SH3GL3: variants seen among roughly 807,000 people sequenced by gnomAD.
SH3GL3 encodes the protein SH3 domain containing GRB2 like 3, endophilin A3, also known as endophilin-A3.
SH3GL3 carries 33 observed loss-of-function variants against 47.7 expected under a neutral mutation model. The observed-to-expected ratio is 0.69, with a 90% confidence interval of 0.52 to 0.92. The LOEUF (loss-of-function observed/expected upper bound fraction) is 0.92, where lower values mean the gene tolerates loss of function less well. Ranked by LOEUF, SH3GL3 falls within the 40% of genes least tolerant of loss-of-function variation. The pLI is 0.00. For synonymous variants in SH3GL3, 155 were observed against 148.8 expected, an observed-to-expected ratio of 1.04 and a Z score of -0.30; for missense variants, 363 against 417.8, an observed-to-expected ratio of 0.87 and a Z score of 1.14.
chr15:83,536,828 A>G (rs17158876), intron 1 of SH3GL3, among the ~76,000 whole-genome samples: 4,762 of 152,074 alleles, frequency 0.031, 87 homozygotes, highest in Non-Finnish European at 0.044. Context: ...AAATTTTCCT[A>G]TTAGGTATTA....
intron 1 of SH3GL3, among the ~76,000 whole-genome samples, chr15:83,501,886 G>A (rs535197515): frequency 1.3e-5 from 2 of 151,636 alleles, no homozygotes; most frequent in East Asian, 1.9e-4. Flanking sequence ...GTGAGATTCC[G>A]TCTCAAAAAA....
At chr15:83,624,444 G>A in the SH3GL3 span, among the ~76,000 whole-genome samples, 8,086 of 152,242 alleles carry the variant, frequency 0.053, 708 homozygotes, top group African/African-American at 0.18. Flanking sequence ...AGGAAGCGGG[G>A]ATGAAAACCT....
chr15:83,478,219 C>T (rs533244389), intron 1 of SH3GL3, among the ~76,000 whole-genome samples: 1 of 152,096 alleles, frequency 6.6e-6, no homozygotes, highest in Non-Finnish European at 1.5e-5. Flanking sequence ...GTTAGATTTC[C>T]TCTGAGCAGG....
chr15:83,491,097 C>T (rs750429642), intron 1 of SH3GL3, among the ~76,000 whole-genome samples: 3 of 152,064 alleles, frequency 2.0e-5, no homozygotes, highest in South Asian at 2.1e-4. Flanking sequence ...GGGGAGAGTC[C>T]GAGAATCCTG....
intron 6 of SH3GL3, among the ~76,000 whole-genome samples, chr15:83,578,892 G>A (rs2059757492): frequency 6.6e-6 from 1 of 152,138 alleles, no homozygotes; most frequent in South Asian, 2.1e-4. Flanking sequence ...CTGGCTCCAG[G>A]CCCATTCATG....
intron 1 of SH3GL3, among the ~76,000 whole-genome samples, chr15:83,535,985 CT>C (rs1203875973): frequency 6.6e-6 from 1 of 152,168 alleles, no homozygotes; most frequent in Non-Finnish European, 1.5e-5. Context: ...ATGATGCAAA[CT>C]GTAGGAAGCC....
At chr15:83,543,748 G>T (rs1361479201) in intron 1 of SH3GL3, among the ~76,000 whole-genome samples, 1 of 151,952 alleles carries the variant, frequency 6.6e-6, no homozygotes, top group African/African-American at 2.4e-5. Flanking sequence ...ATATTGGTAG[G>T]TTGTACGTGT....
intron 5 of SH3GL3, among the ~76,000 whole-genome samples, chr15:83,574,146 T>C (rs1399769804): frequency 6.6e-6 from 1 of 150,788 alleles, no homozygotes; most frequent in Non-Finnish European, 1.5e-5. Context: ...TGTGTAGGGG[T>C]GGGGGTGCAA....
chr15:83,447,633 C>A lies in SH3GL3; in HGVS notation c.45+55C>A. ...AGGGGGACGCGGAGGCTGCGGCCCC[C>A]CGAGGCTCCCGGGCCTTTGGGACTC... On this transcript the variant is annotated intron_variant, in intron 1 of 8. Transcript: ENST00000427482. The surrounding 1 kb of genome is among the most constrained non-coding windows in gnomAD (Gnocchi z 5.1). 2 of 1,323,746 alleles carry A rather than the reference C, an allele frequency of 1.5e-6. No individual in the cohort carries two copies. The highest frequency in any genetic ancestry group is 2.0e-6 in the Non-Finnish European group (2 of 979,948). The allele number at this position is 1,323,746 out of a possible 1,614,324, so 82.0% of individuals were successfully genotyped here.
chr15:83,628,523 A>G, the SH3GL3 span, among the ~76,000 whole-genome samples: 16 of 152,158 alleles, frequency 1.1e-4, no homozygotes, highest in African/African-American at 3.9e-4. Context: ...TAGGTGGATC[A>G]CATGAGGTCA....
the SH3GL3 span, among the ~76,000 whole-genome samples, chr15:83,625,484 A>G: frequency 6.6e-6 from 1 of 152,224 alleles, no homozygotes; most frequent in East Asian, 1.9e-4. Context: ...TAATTGGACC[A>G]AGGACATGCA....
chr15:83,550,609 C>G (rs2044614451), intron 1 of SH3GL3, among the ~76,000 whole-genome samples: 1 of 152,102 alleles, frequency 6.6e-6, no homozygotes, highest in African/African-American at 2.4e-5. Flanking sequence ...AGGCTGGTCT[C>G]AAACTCCTGA....
chr15:83,590,383 C>T (rs1272020260), intron 8 of SH3GL3, among the ~76,000 whole-genome samples: 1 of 152,250 alleles, frequency 6.6e-6, no homozygotes, highest in East Asian at 1.9e-4. Context: ...GAAAAGTCTT[C>T]CTATCCCTGA....
the SH3GL3 span, among the ~76,000 whole-genome samples, chr15:83,624,474 AGAGAC>A: frequency 6.6e-6 from 1 of 152,248 alleles, no homozygotes; most frequent in African/African-American, 2.4e-5. Flanking sequence ...AGAAACAACA[AGAGAC>A]GAGCTAACGG....
At position 83,477,716 on chromosome 15, in the gene SH3GL3, T is replaced by G. The variant is rs1271656970; in HGVS notation, c.45+30138T>G. Among the ~76,000 whole-genome samples, 4 of 152,296 alleles carry G rather than the reference T, an allele frequency of 2.6e-5. No homozygotes were observed. In the East Asian group the frequency reaches 5.8e-4, roughly 22 times the overall value. On this transcript the variant is annotated intron_variant, in intron 1 of 8. Transcript: ENST00000427482. ...TGGTACCCTTTTGATTTGCCAGACA[T>G]GCATACTTAAAGAAATGTGGGGCAT...
intron 1 of SH3GL3, among the ~76,000 whole-genome samples, chr15:83,527,023 G>A (rs1403906203): frequency 1.3e-5 from 2 of 152,024 alleles, no homozygotes. Context: ...ATTTATTATA[G>A]GCGTAAAGAA....
At chr15:83,629,574 C>T in the SH3GL3 span, among the ~76,000 whole-genome samples, 1 of 152,196 alleles carries the variant, frequency 6.6e-6, no homozygotes, top group African/African-American at 2.4e-5. Flanking sequence ...AAACCCAGCA[C>T]TTTGGGAGTC....
chr15:83,554,500 C>T (rs528352630), intron 1 of SH3GL3, among the ~76,000 whole-genome samples: 1 of 152,178 alleles, frequency 6.6e-6, no homozygotes, highest in South Asian at 2.1e-4. Flanking sequence ...TCTTAAACAA[C>T]AGTTTAGGGA....
At chr15:83,462,297 C>A (rs146020946) in intron 1 of SH3GL3, among the ~76,000 whole-genome samples, 2 of 152,308 alleles carry the variant, frequency 1.3e-5, no homozygotes, top group African/African-American at 4.8e-5. Flanking sequence ...ATTCTTACCC[C>A]TTGTAATGCC....
Sources: gnomAD v4.1 joint callset for allele counts (sites outside exome capture counted in the v4.1 genomes callset) on GRCh38, gnomAD v4.1.1 for gene constraint, Gnocchi (gnomAD v3.1) non-coding constraint, MANE v1.5 for transcripts, NCBI Gene and HGNC (gene_info 2026-07-23, HGNC 2026-07-21) for gene names.